NHS: variants seen among roughly 807,000 people sequenced by gnomAD.
The protein encoded by NHS is actin remodeling regulator NHS.
NHS carries 5 observed loss-of-function variants against 72.5 expected under a neutral mutation model. That is an observed-to-expected ratio of 0.07 (90% CI 0.04 to 0.14). The LOEUF (loss-of-function observed/expected upper bound fraction) is 0.14. Among genes scored for constraint, NHS ranks in the 10% least tolerant of loss-of-function variants. The pLI, the probability that NHS is intolerant of heterozygous loss-of-function variation, is 1.00. For missense variants in NHS, 1,072 were observed against 1,355.7 expected (o/e 0.79, Z 3.29); for synonymous variants, 464 against 547.7 (o/e 0.85, Z 2.13).
intron 1 of NHS, among the ~76,000 whole-genome samples, chrX:17,496,365 C>T (rs2146921080): frequency 9.0e-6 from 1 of 111,597 alleles, no homozygotes; most frequent in East Asian, 2.8e-4. Flanking sequence ...CTAGTTGCCT[C>T]CCTGACCCAC....
At chrX:17,431,991 G>A (rs1812130697) in intron 1 of NHS, among the ~76,000 whole-genome samples, 1 of 111,958 alleles carries the variant, frequency 8.9e-6, no homozygotes, top group South Asian at 3.7e-4. Flanking sequence ...CCCATGTATA[G>A]CAGTGGCTCC....
At position 17,727,120 on chromosome X, in the gene NHS, A is replaced by G. The variant is rs1359863922; in HGVS notation, c.3014A>G (p.Asn1005Ser). ...ACCCCATCTCTTCCTTCTGTTGACA[A>G]TGAGTTTAAACTGGCTTCACCAGAA... is the stretch of plus-strand genomic sequence containing the variant. The part of the protein sequence containing the change: ...ATTPSLPSVD[N>S]EFKLASPEKL... The change falls in exon 7 of 9, where the codon AAT (asparagine) becomes AGT (serine). Residue 1005 changes from asparagine to serine, a missense_variant. Coordinates refer to ENST00000676302, the MANE Select transcript of NHS (RefSeq NM_001291867.2). The G allele has an allele frequency of 1.7e-6, 2 of 1,211,882 alleles. No individual in the cohort carries two copies. Among genetic ancestry groups the G allele is most frequent in the African/African-American group, 1.7e-5 (1 of 57,802 alleles).
At position 17,735,481 on chromosome X, in the gene NHS, T is replaced by C. The variant is rs1261175338; in HGVS notation, c.*3017T>C. ...AAATTTTTTCATTTTTTAAAAATTC[T>C]ACTTTGGTTTTGTTGTTGTTTTGAT... On this transcript the variant is annotated 3_prime_UTR_variant, in exon 9 of 9. Coordinates refer to ENST00000676302, the MANE Select transcript of NHS (RefSeq NM_001291867.2). 1.8e-5 allele frequency: 2 copies of C among 113,157 alleles called. No homozygotes were observed. Among genetic ancestry groups the C allele is most frequent in the African/African-American group, 6.4e-5 (2 of 31,039 alleles). 9.3% of individuals were successfully genotyped at this position (113,157 alleles called of 1,213,427 possible).
rs1325838467 is a variant in NHS at position 17,403,105 on chromosome X, G to A, written c.565+26783G>A. ...TGTCTCTGCTATCTTTTTGGTCCTT[G>A]GTCTTTTGGATCTTTAGGTCCTGGG... On this transcript the variant is annotated intron_variant, in intron 1 of 8. Coordinates refer to ENST00000676302, the MANE Select transcript of NHS (RefSeq NM_001291867.2). Among the ~76,000 whole-genome samples the A allele has an allele frequency of 8.0e-5, 9 of 111,819 alleles. No individual in the cohort carries two copies. In the East Asian group the frequency reaches 2.5e-3, roughly 31 times the overall value.
At position 17,647,948 on chromosome X, in the gene NHS, G is replaced by A. The variant is rs17273837; in HGVS notation, c.566-39794G>A. On this transcript the variant is annotated intron_variant, in intron 1 of 8. Transcript: ENST00000676302. ...AAGTATTGTGAAGACCTTGAGCAGC[G>A]ACAGTATTTGGAGCCATCAGAAAGG... Among the ~76,000 whole-genome samples, 841 of 108,722 alleles carry A rather than the reference G, an allele frequency of 7.7e-3. 17 individuals are homozygous for A. Among genetic ancestry groups the A allele is most frequent in the Admixed American group, 0.061 (619 of 10,134 alleles). 94.4% of individuals were successfully genotyped at this position (108,722 alleles called of 115,157 possible).
intron 1 of NHS, among the ~76,000 whole-genome samples, chrX:17,462,269 G>C (rs1478833388): frequency 9.0e-6 from 1 of 111,394 alleles, no homozygotes; most frequent in Non-Finnish European, 1.9e-5. Context: ...TGAGAGCTAG[G>C]TGTTATTTTT....
intron 5 of NHS, among the ~76,000 whole-genome samples, chrX:17,722,582 A>G (rs1393879263): frequency 9.0e-6 from 1 of 111,467 alleles, no homozygotes; most frequent in African/African-American, 3.3e-5. Context: ...TCTGGGACAG[A>G]TATTATTTTT....
At chrX:17,616,800 G>C (rs979317604) in intron 1 of NHS, among the ~76,000 whole-genome samples, 3 of 112,067 alleles carry the variant, frequency 2.7e-5, no homozygotes, top group Non-Finnish European at 5.6e-5. Context: ...ATTTACATTT[G>C]AATTAATTAA....
intron 1 of NHS, among the ~76,000 whole-genome samples, chrX:17,563,097 A>G (rs2065424044): frequency 8.9e-6 from 1 of 112,342 alleles, no homozygotes; most frequent in Non-Finnish European, 1.9e-5. Context: ...GCATTTTCTA[A>G]GAGAAATGGC....
intron 3 of NHS, among the ~76,000 whole-genome samples, chrX:17,712,280 TATATATATATAC>T (rs1187869057): frequency 1.1e-4 from 9 of 81,572 alleles, no homozygotes; most frequent in African/African-American, 3.1e-4. Flanking sequence ...TATATATATA[TATATATATATAC>T]ACACACACAC....
intron 1 of NHS, among the ~76,000 whole-genome samples, chrX:17,450,979 G>T (rs955114821): frequency 8.9e-6 from 1 of 112,123 alleles, no homozygotes; most frequent in African/African-American, 3.2e-5. Context: ...GCAAAAGATG[G>T]CTATTAAGTA....
rs2066109652 is a variant in NHS at position 17,679,453 on chromosome X, C to T, written c.566-8289C>T. Among the ~76,000 whole-genome samples the T allele has an allele frequency of 2.7e-5, 3 of 111,456 alleles. No individual in the cohort carries two copies. The South Asian group carries it at 1.1e-3, about 42-fold the overall frequency. The stretch of plus-strand genomic sequence containing the variant: ...GACAATGCCTGGCATTGTCAGGGAT[C>T]TCAAGAAGTATAAGCTGTGGCTCCT... On this transcript the variant is annotated intron_variant, in intron 1 of 8. Coordinates refer to ENST00000676302, the MANE Select transcript of NHS (RefSeq NM_001291867.2).
intron 3 of NHS, among the ~76,000 whole-genome samples, chrX:17,692,962 A>G (rs1008628524): frequency 3.6e-5 from 4 of 111,942 alleles, no homozygotes; most frequent in Non-Finnish European, 7.5e-5. Context: ...TACTGTTATT[A>G]CTGGTAAAGT....
intron 1 of NHS, among the ~76,000 whole-genome samples, chrX:17,488,235 C>T (rs1323203310): frequency 8.9e-6 from 1 of 111,872 alleles, no homozygotes; most frequent in African/African-American, 3.3e-5. Context: ...CATTTCTTAC[C>T]TCATTGCCTG....
rs1196530448 is a variant in NHS at position 17,722,528 on chromosome X, T to A, written c.1108+895T>A. ...TGCACACAGCTATCATTAACCCCAC[T>A]CAGATTTCTCTCAAATAAAGTGGGG... On this transcript the variant is annotated intron_variant, in intron 5 of 8. Coordinates refer to ENST00000676302, the MANE Select transcript of NHS (RefSeq NM_001291867.2). Among the ~76,000 whole-genome samples the A allele has an allele frequency of 2.7e-5, 3 of 111,593 alleles. No individual in the cohort carries two copies. In the East Asian group the frequency reaches 8.4e-4, roughly 31 times the overall value.
At chrX:17,412,397 C>T (rs927610917) in intron 1 of NHS, among the ~76,000 whole-genome samples, 13 of 110,046 alleles carry the variant, frequency 1.2e-4, no homozygotes, top group African/African-American at 4.3e-4. Flanking sequence ...GAGTTCAAGA[C>T]CAGCCTGGGC....
chrX:17,645,162 T>G (rs1044005841), intron 1 of NHS, among the ~76,000 whole-genome samples: 2 of 112,112 alleles, frequency 1.8e-5, no homozygotes, highest in Non-Finnish European at 3.8e-5. Flanking sequence ...TAATTATTCT[T>G]GCATTTTATG....
chrX:17,649,046 T>C (rs2065918766), intron 1 of NHS, among the ~76,000 whole-genome samples: 1 of 112,075 alleles, frequency 8.9e-6, no homozygotes, highest in Non-Finnish European at 1.9e-5. Flanking sequence ...GGCATAGTGA[T>C]TCTTTCATTC....
chrX:17,734,532 AGTGT>A lies in NHS; in HGVS notation c.*2075_*2078del, dbSNP rs1473823168. 1.8e-5 allele frequency: 2 copies of A among 110,916 alleles called. No homozygotes were observed. Among genetic ancestry groups the A allele is most frequent in the Non-Finnish European group, 3.8e-5 (2 of 52,814 alleles). The allele number at this position is 110,916 out of a possible 1,213,427, so 9.1% of individuals were successfully genotyped here. Reference sequence around the variant, plus strand: ...GTGTGTATGGGTGTGTGTGAGTGTGAGTGTGTGTGTACGCACACACACTGGGGAT... The same window carrying A: ...GTGTGTATGGGTGTGTGTGAGTGTGAGTGTGTACGCACACACACTGGGGAT... On this transcript the variant is annotated 3_prime_UTR_variant, in exon 9 of 9. Transcript: ENST00000676302.
Sources: gnomAD v4.1 joint callset for allele counts (sites outside exome capture counted in the v4.1 genomes callset) on GRCh38, gnomAD v4.1.1 for gene constraint, MANE v1.5 for transcripts, NCBI Gene and HGNC (gene_info 2026-07-23, HGNC 2026-07-21) for gene names.